Variants in TMEM266 observed in about 807,000 individuals in gnomAD.
TMEM266 encodes Hv1 related protein 1.
Under a neutral mutation model 50.5 loss-of-function variants are expected in TMEM266, and 33 were observed. The observed-to-expected ratio is 0.65, with a 90% CI of 0.50 to 0.87. The LOEUF is 0.87. Ranked by LOEUF, TMEM266 falls within the 40% of genes least tolerant of loss-of-function variation. The pLI is 0.00. For missense variants in TMEM266, 655 were observed against 695.1 expected, an observed-to-expected ratio of 0.94 and a Z score of 0.65; for synonymous variants, 310 against 292.3, an observed-to-expected ratio of 1.06 and a Z score of -0.62.
At chr15:76,104,217 A>T (rs973233916) in intron 1 of TMEM266, among the ~76,000 whole-genome samples, 11 of 151,526 alleles carry the variant, frequency 7.3e-5, no homozygotes, top group African/African-American at 2.7e-4. Context: ...AAAAAAAAAA[A>T]ATTATATTTG....
intron 1 of TMEM266, among the ~76,000 whole-genome samples, chr15:76,124,062 C>T (rs573532486): frequency 6.6e-6 from 1 of 152,350 alleles, no homozygotes; most frequent in South Asian, 2.1e-4. Context: ...CCCCTAACTC[C>T]CTTGGCCAGC....
At position 76,083,404 on chromosome 15, in the gene TMEM266, GC is replaced by G. The variant is rs1187032822; in HGVS notation, c.-97+23390del. Among the ~76,000 whole-genome samples the G allele has an allele frequency of 2.6e-5, 4 of 151,992 alleles. No homozygotes were observed. In the East Asian group the frequency reaches 7.7e-4, roughly 29 times the overall value. Reference sequence around the variant, plus strand: ...CTTAGCAGCTTCTAGTCTGGTGCTGGCCTGACACTCGTCCCTCAGGTGAGGC... The same window carrying G: ...CTTAGCAGCTTCTAGTCTGGTGCTGGCTGACACTCGTCCCTCAGGTGAGGC... On this transcript the variant is annotated intron_variant, in intron 1 of 10. Coordinates refer to ENST00000388942, the MANE Select transcript of TMEM266 (RefSeq NM_152335.3).
At chr15:76,127,671 C>T (rs186570121) in intron 1 of TMEM266, among the ~76,000 whole-genome samples, 1 of 152,224 alleles carries the variant, frequency 6.6e-6, no homozygotes, top group East Asian at 1.9e-4. Context: ...CTGTTGTTTG[C>T]AAACAAAAGT....
intron 1 of TMEM266, among the ~76,000 whole-genome samples, chr15:76,097,156 A>C (rs557572125): frequency 1.3e-5 from 2 of 151,970 alleles, no homozygotes; most frequent in African/African-American, 4.8e-5. Context: ...TCCTGTCATT[A>C]TGATGCTAGC....
chr15:76,140,125 G>C (rs2037654459), intron 3 of TMEM266, among the ~76,000 whole-genome samples: 1 of 152,244 alleles, frequency 6.6e-6, no homozygotes, highest in Admixed American at 6.5e-5. Flanking sequence ...GATTTGATTT[G>C]AATCTCCAGG....
intron 1 of TMEM266, among the ~76,000 whole-genome samples, chr15:76,106,783 A>G (rs1322360431): frequency 6.6e-6 from 1 of 152,210 alleles, no homozygotes; most frequent in Non-Finnish European, 1.5e-5. Flanking sequence ...ACACTGTGGA[A>G]TGCTAGATCA....
At chr15:76,103,103 TG>T (rs914642827) in intron 1 of TMEM266, among the ~76,000 whole-genome samples, 1 of 151,746 alleles carries the variant, frequency 6.6e-6, no homozygotes, top group African/African-American at 2.4e-5. Context: ...CGAGAGATAG[TG>T]GGGGTTTGGA....
chr15:76,156,947 G>A (rs1209676546), intron 4 of TMEM266, among the ~76,000 whole-genome samples, 189 bp downstream of exon 4: 1 of 152,096 alleles, frequency 6.6e-6, no homozygotes, highest in African/African-American at 2.4e-5. Context: ...TTCTCTCTCT[G>A]TCACCCCCAG....
chr15:76,119,604 T>C (rs2037309610), intron 1 of TMEM266, among the ~76,000 whole-genome samples: 2 of 151,756 alleles, frequency 1.3e-5, no homozygotes, highest in Non-Finnish European at 2.9e-5. Context: ...CCATCTCTAC[T>C]AAAAATACAA....
chr15:76,068,726 A>G (rs2036483294), intron 1 of TMEM266, among the ~76,000 whole-genome samples: 1 of 152,226 alleles, frequency 6.6e-6, no homozygotes, highest in Non-Finnish European at 1.5e-5. Context: ...CCATGCTGGC[A>G]TCCTGATCCA....
At chr15:76,064,920 C>T (rs1253602958) in intron 1 of TMEM266, among the ~76,000 whole-genome samples, 1 of 152,224 alleles carries the variant, frequency 6.6e-6, no homozygotes, top group Non-Finnish European at 1.5e-5. Context: ...CACACCATCC[C>T]ACCCTGGTTA....
At position 76,098,456 on chromosome 15, in the gene TMEM266, C is replaced by T. The variant is rs540100952; in HGVS notation, c.-96-35712C>T. ...TGCCTGATCTTTCCCCTGGAAGCCT[C>T]GTCCCAGAGGGGCACCTGCCAGATG... On this transcript the variant is annotated intron_variant, in intron 1 of 10. Coordinates refer to ENST00000388942, the MANE Select transcript of TMEM266 (RefSeq NM_152335.3). Among the ~76,000 whole-genome samples, 13 of 152,196 alleles carry T rather than the reference C, an allele frequency of 8.5e-5. 1 individual carries two copies. The South Asian group carries it at 1.7e-3, about 19-fold the overall frequency.
At chr15:76,106,973 A>C (rs2037091004) in intron 1 of TMEM266, among the ~76,000 whole-genome samples, 1 of 152,098 alleles carries the variant, frequency 6.6e-6, no homozygotes, top group East Asian at 1.9e-4. Flanking sequence ...GTATGAGTTG[A>C]TGGTGGATGT....
At chr15:76,179,767 C>T (rs577368936) in intron 8 of TMEM266, among the ~76,000 whole-genome samples, 15 of 152,086 alleles carry the variant, frequency 9.9e-5, no homozygotes, top group African/African-American at 3.4e-4. Context: ...TGACATTTAC[C>T]AATGAAATGT....
At chr15:76,203,194 A>C (rs1459007815) in intron 10 of TMEM266, among the ~76,000 whole-genome samples, 1 of 151,278 alleles carries the variant, frequency 6.6e-6, no homozygotes, top group Non-Finnish European at 1.5e-5. Context: ...AGTCCATCTG[A>C]AACTGAGTCA....
intron 3 of TMEM266, among the ~76,000 whole-genome samples, chr15:76,141,596 A>G (rs2037679378): frequency 6.6e-6 from 1 of 152,158 alleles, no homozygotes; most frequent in Non-Finnish European, 1.5e-5. Context: ...CATGTAACAA[A>G]ATGTACCATC....
chr15:76,067,232 G>A (rs1349408989), intron 1 of TMEM266, among the ~76,000 whole-genome samples: 1 of 152,172 alleles, frequency 6.6e-6, no homozygotes, highest in African/African-American at 2.4e-5. Context: ...GACTCTATAA[G>A]CAGTTGTAGA....
At chr15:76,149,006 G>A (rs2037798427) in intron 3 of TMEM266, among the ~76,000 whole-genome samples, 1 of 152,134 alleles carries the variant, frequency 6.6e-6, no homozygotes, top group African/African-American at 2.4e-5. Context: ...CTGGTTTCGT[G>A]GTGTGTGTTT....
chr15:76,077,496 T>C (rs1367836103), intron 1 of TMEM266, among the ~76,000 whole-genome samples: 1 of 152,112 alleles, frequency 6.6e-6, no homozygotes, highest in Non-Finnish European at 1.5e-5. Context: ...TCTGTGAATG[T>C]TACCTTATCT....
Sources: allele counts gnomAD v4.1 joint callset (sites outside exome capture counted in the v4.1 genomes callset), GRCh38; gene constraint gnomAD v4.1.1; transcripts MANE v1.5; gene names NCBI Gene and HGNC (gene_info 2026-07-23, HGNC 2026-07-21).